The following APBB1IP variants were observed in gnomAD, a reference collection of about 807,000 sequenced individuals.
APBB1IP encodes amyloid beta A4 precursor protein-binding family B member 1-interacting protein.
Under a neutral mutation model 64.9 loss-of-function variants are expected in APBB1IP, and 27 were observed. The ratio of observed to expected loss-of-function variants is 0.42; its 90% CI spans 0.31 to 0.57. The LOEUF is 0.57. APBB1IP is among the 20% of genes least tolerant of loss of function. The probability of loss-of-function intolerance (pLI) is 0.20; values close to 1 mark genes in which losing one functional copy is unlikely to be tolerated. For synonymous variants in APBB1IP, 392 were observed against 331.0 expected (o/e 1.18, Z -2.00); for missense variants, 812 against 845.5 (o/e 0.96, Z 0.49).
intron 2 of APBB1IP, among the ~76,000 whole-genome samples, chr10:26,468,553 C>T (rs1835674503): frequency 6.6e-6 from 1 of 152,146 alleles, no homozygotes; most frequent in Non-Finnish European, 1.5e-5. Flanking sequence ...TTCGTGGGTT[C>T]CCTGTTTCTC....
Position 26,536,084 on chromosome 10 carries a change from G to A in APBB1IP, c.911G>A (p.Cys304Tyr), listed in dbSNP as rs1265812822. 1 of 1,585,488 alleles carries A rather than the reference G, an allele frequency of 6.3e-7. No homozygotes were observed. The highest frequency in any genetic ancestry group is 8.5e-7 in the Non-Finnish European group (1 of 1,171,036). ...GAATCTCACTTTCAGGAAAGTTTCT[G>A]TGGAACATCTATCATTGTACCAGAA... ...NKESLLEESF[C>Y]GTSIIVPELE... is the part of the protein sequence containing the mutation. The change falls in exon 10 of 15, where the codon TGT becomes TAT. Residue 304 changes from cysteine to tyrosine, a missense_variant. Physicochemically the swap from Cys to Tyr is radical, Grantham distance 194. Transcript: ENST00000376236.
intron 11 of APBB1IP, among the ~76,000 whole-genome samples, chr10:26,552,719 C>G (rs1030387239): frequency 1.3e-5 from 2 of 152,128 alleles, no homozygotes; most frequent in Non-Finnish European, 2.9e-5. Context: ...TAAATTTATC[C>G]CACGCAGTAA....
intron 5 of APBB1IP, among the ~76,000 whole-genome samples, chr10:26,502,740 G>C (rs561256967): frequency 1.3e-5 from 2 of 152,160 alleles, no homozygotes; most frequent in East Asian, 1.9e-4. Flanking sequence ...AAGACATCCT[G>C]ATCCAAAAGT....
At chr10:26,505,804 T>G (rs1175596389) in intron 6 of APBB1IP, among the ~76,000 whole-genome samples, 4 of 152,150 alleles carry the variant, frequency 2.6e-5, no homozygotes, top group Non-Finnish European at 1.5e-5. Flanking sequence ...ATTATGTTTC[T>G]GCCGAGGGCC....
chr10:26,463,100 CA>C (rs2132408122), intron 2 of APBB1IP, among the ~76,000 whole-genome samples: 1 of 152,226 alleles, frequency 6.6e-6, no homozygotes, highest in South Asian at 2.1e-4. Context: ...CCGAAGCCAG[CA>C]AAAATATGTA....
chr10:26,553,983 C>T lies in APBB1IP; in HGVS notation c.1156-6122C>T, dbSNP rs116817168. Among the ~76,000 whole-genome samples, 719 of 152,262 alleles carry T rather than the reference C, an allele frequency of 4.7e-3. 4 individuals carry two copies. Among genetic ancestry groups the T allele is most frequent in the African/African-American group, 0.017 (688 of 41,556 alleles). ...CAGTTCTCACCAGACTCCCCGTGCT[C>T]TCGCTGAGATCACATTCACAGCCAC... On this transcript the variant is annotated intron_variant, in intron 11 of 14. Transcript: ENST00000376236.
intron 9 of APBB1IP, 47 bp downstream of exon 9, chr10:26,533,572 C>A: frequency 7.6e-7 from 1 of 1,308,488 alleles, no homozygotes; most frequent in Admixed American, 2.5e-5. Flanking sequence ...GACGTTTGCT[C>A]TATTTTTAAG....
chr10:26,545,037 T>G (rs928126845), intron 11 of APBB1IP, among the ~76,000 whole-genome samples: 2 of 152,220 alleles, frequency 1.3e-5, no homozygotes, highest in African/African-American at 4.8e-5. Context: ...TCTGTTCTGT[T>G]CTAAAGCCAA....
chr10:26,541,719 G>A, intron 11 of APBB1IP, 27 bp downstream of exon 11: 3 of 1,481,844 alleles, frequency 2.0e-6, no homozygotes, highest in Non-Finnish European at 2.8e-6. Flanking sequence ...CATTCATTTA[G>A]ATTTATAAGC....
Position 26,551,250 on chromosome 10 carries a change from C to T in APBB1IP, c.1156-8855C>T, listed in dbSNP as rs532942130. On this transcript the variant is annotated intron_variant, in intron 11 of 14. Coordinates refer to ENST00000376236, the MANE Select transcript of APBB1IP (RefSeq NM_019043.4). ...TTCAGCCCCGTTGGTACTTGGTACT[C>T]ACAGTGCTCTCCATAGGCCCATGCA... Among the ~76,000 whole-genome samples, 31 of 152,322 alleles carry T rather than the reference C, an allele frequency of 2.0e-4. No homozygotes were observed. In the South Asian group the frequency reaches 6.4e-3, roughly 32 times the overall value.
chr10:26,532,636 G>A (rs1473934206), intron 8 of APBB1IP, among the ~76,000 whole-genome samples: 2 of 151,740 alleles, frequency 1.3e-5, no homozygotes, highest in South Asian at 2.1e-4. Context: ...CATGCATGCC[G>A]CCATGCCTAG....
chr10:26,498,322 A>G (rs1836054242), intron 4 of APBB1IP, among the ~76,000 whole-genome samples: 1 of 152,088 alleles, frequency 6.6e-6, no homozygotes, highest in African/African-American at 2.4e-5. Context: ...CAGCCTGGCC[A>G]ACATGATGAA....
rs147157905 is a variant in APBB1IP, at chr10:26,515,127, C to T, written c.813+1467C>T. On this transcript the variant is annotated intron_variant, in intron 8 of 14. Transcript: ENST00000376236. ...TGATCTCCTGACCTCGTGATCCGCC[C>T]GCCTTGGCCTCCCAAAGTGCTGGGA... 8.0e-3 allele frequency among the ~76,000 whole-genome samples: 1,215 copies of T among 151,848 alleles called. 18 individuals are homozygous for T. The highest frequency in any genetic ancestry group is 0.028 in the African/African-American group (1,142 of 41,382).
intron 10 of APBB1IP, among the ~76,000 whole-genome samples, chr10:26,539,857 C>T (rs1836675786): frequency 6.6e-6 from 1 of 152,140 alleles, no homozygotes; most frequent in Admixed American, 6.5e-5. Flanking sequence ...CTAAAAGTTG[C>T]TCCGTCTCAT....
chr10:26,515,119 G>A (rs1237548107), intron 8 of APBB1IP, among the ~76,000 whole-genome samples: 1 of 150,228 alleles, frequency 6.7e-6, no homozygotes, highest in Non-Finnish European at 1.5e-5. Context: ...CTGACCTCGT[G>A]ATCCGCCCGC....
chr10:26,498,964 A>T (rs2132435908), intron 4 of APBB1IP, among the ~76,000 whole-genome samples: 1 of 152,276 alleles, frequency 6.6e-6, no homozygotes, highest in Admixed American at 6.5e-5. Context: ...AACAAGTTCA[A>T]AATATTTTGC....
At position 26,567,411 on chromosome 10, in the gene APBB1IP, G is replaced by T. The variant is rs1837069940; in HGVS notation, c.1924G>T (p.Gly642Ter). ...KRQENPGHPG[G>*]AGGGEQDFMS... Reference sequence around the variant, plus strand: ...GCAAGAGAACCCAGGGCACCCCGGCGGAGCAGGAGGCGGGGAGCAAGATTT... The same window carrying T: ...GCAAGAGAACCCAGGGCACCCCGGCTGAGCAGGAGGCGGGGAGCAAGATTT... Residue 642 changes from glycine to a stop codon, truncating the protein, a stop_gained, in exon 15 of 15, where the codon GGA (glycine) becomes TGA (stop). Transcript: ENST00000376236. LOFTEE classifies it high-confidence loss of function. The T allele has an allele frequency of 6.2e-7, 1 of 1,603,652 alleles. No individual in the cohort carries two copies.
intron 2 of APBB1IP, among the ~76,000 whole-genome samples, chr10:26,484,207 A>C (rs1835866290): frequency 6.6e-6 from 1 of 152,216 alleles, no homozygotes; most frequent in African/African-American, 2.4e-5. Context: ...CGAAAACATC[A>C]ACTCTGTAAA....
At chr10:26,561,590 A>G (rs1342697097) in intron 13 of APBB1IP, among the ~76,000 whole-genome samples, 1 of 152,156 alleles carries the variant, frequency 6.6e-6, no homozygotes, top group African/African-American at 2.4e-5. Context: ...CCAAGGCTCC[A>G]TTAGTGCCCA....
Sources: allele counts gnomAD v4.1 joint callset (sites outside exome capture counted in the v4.1 genomes callset), GRCh38; gene constraint gnomAD v4.1.1; transcripts MANE v1.5; gene names NCBI Gene and HGNC (gene_info 2026-07-23, HGNC 2026-07-21).